Variants in DIAPH2 observed in about 807,000 individuals in gnomAD.
DIAPH2 encodes protein diaphanous homolog 2.
In DIAPH2, 35 loss-of-function variants were observed where a neutral mutation model predicts 92.7. The ratio of observed to expected loss-of-function variants is 0.38; its 90% CI spans 0.29 to 0.50. DIAPH2 has a LOEUF of 0.50. Ranked by LOEUF, DIAPH2 falls within the 20% of genes least tolerant of loss-of-function variation. DIAPH2 has a pLI of 0.94. For synonymous variants in DIAPH2, 301 were observed against 280.4 expected, an observed-to-expected ratio of 1.07 and a Z score of -0.73; for missense variants, 701 against 819.5, an observed-to-expected ratio of 0.86 and a Z score of 1.77.
At chrX:96,853,618 TG>T (rs1363128330) in intron 4 of DIAPH2, among the ~76,000 whole-genome samples, 1 of 111,658 alleles carries the variant, frequency 9.0e-6, no homozygotes, top group East Asian at 2.8e-4. Flanking sequence ...TATACTGTAC[TG>T]CTAAAGAGAT....
intron 3 of DIAPH2, among the ~76,000 whole-genome samples, chrX:96,749,290 A>G (rs935925637): frequency 9.1e-6 from 1 of 109,990 alleles, no homozygotes. Context: ...AGATTTTAAA[A>G]TGATTTAAAA....
intron 25 of DIAPH2, among the ~76,000 whole-genome samples, chrX:97,390,098 C>G (rs1191826066): frequency 1.8e-5 from 2 of 108,352 alleles, no homozygotes; most frequent in Non-Finnish European, 3.8e-5. Flanking sequence ...AAGTACCGAA[C>G]AACTATGAGG....
At chrX:96,874,619 G>A (rs1233177555) in intron 4 of DIAPH2, among the ~76,000 whole-genome samples, 5 of 111,979 alleles carry the variant, frequency 4.5e-5, no homozygotes, top group African/African-American at 1.6e-4. Context: ...GTTAATGATG[G>A]TTTAGCCTTC....
chrX:97,174,255 C>T (rs1044625953), intron 22 of DIAPH2, among the ~76,000 whole-genome samples: 1 of 109,915 alleles, frequency 9.1e-6, no homozygotes, highest in African/African-American at 3.3e-5. Context: ...TGTAACTTGC[C>T]TAAGTTCTCA....
intron 26 of DIAPH2, among the ~76,000 whole-genome samples, chrX:97,442,528 G>C (rs932620085): frequency 4.6e-4 from 52 of 112,426 alleles, no homozygotes; most frequent in African/African-American, 1.5e-3. Context: ...CTAATTGGTG[G>C]CCTTGATTAT....
intron 23 of DIAPH2, among the ~76,000 whole-genome samples, chrX:97,331,740 G>A (rs999926894): frequency 9.0e-6 from 1 of 111,378 alleles, no homozygotes; most frequent in Admixed American, 9.6e-5. Context: ...TATTAAGTAG[G>A]AGGATATCAG....
At chrX:97,407,197 T>C (rs767758144) in intron 25 of DIAPH2, among the ~76,000 whole-genome samples, 4 of 111,921 alleles carry the variant, frequency 3.6e-5, no homozygotes, top group Non-Finnish European at 7.5e-5. Context: ...AAGTATAATG[T>C]AGAAGTAGGC....
chrX:96,686,012 C>G (rs996055601), intron 1 of DIAPH2, among the ~76,000 whole-genome samples: 1 of 112,198 alleles, frequency 8.9e-6, no homozygotes, highest in Non-Finnish European at 1.9e-5. Flanking sequence ...TTGGGAAATA[C>G]TGGAGTTTCC....
At chrX:97,166,932 T>C (rs1335102934) in intron 22 of DIAPH2, among the ~76,000 whole-genome samples, 2 of 112,461 alleles carry the variant, frequency 1.8e-5, no homozygotes, top group African/African-American at 6.5e-5. Context: ...TTTTGAATCT[T>C]TACATAAACA....
intron 5 of DIAPH2, among the ~76,000 whole-genome samples, chrX:96,905,109 T>C (rs192229766): frequency 8.9e-5 from 10 of 111,807 alleles, no homozygotes; most frequent in Non-Finnish European, 1.3e-4. Flanking sequence ...ATGACTAATA[T>C]TGGACTCCTT....
At chrX:97,427,338 T>C (rs1026810229) in intron 25 of DIAPH2, among the ~76,000 whole-genome samples, 3 of 111,835 alleles carry the variant, frequency 2.7e-5, no homozygotes, top group Non-Finnish European at 3.8e-5. Context: ...AGAATTTTCA[T>C]CTTTCATCAT....
At chrX:96,907,176 A>G (rs2065438991) in intron 5 of DIAPH2, among the ~76,000 whole-genome samples, 1 of 112,070 alleles carries the variant, frequency 8.9e-6, no homozygotes, top group African/African-American at 3.2e-5. Flanking sequence ...AAATAGTATA[A>G]GCTACATTTT....
At chrX:97,117,253 A>T (rs982132342) in intron 21 of DIAPH2, among the ~76,000 whole-genome samples, 2 of 111,801 alleles carry the variant, frequency 1.8e-5, no homozygotes, top group Non-Finnish European at 3.8e-5. Context: ...AATACAAAGG[A>T]TTGTGAGTAA....
At chrX:97,259,719 G>A (rs1463583144) in intron 23 of DIAPH2, among the ~76,000 whole-genome samples, 1 of 112,781 alleles carries the variant, frequency 8.9e-6, no homozygotes, top group Non-Finnish European at 1.9e-5. Context: ...GGTTGAATTT[G>A]TAATACAGTT....
intron 26 of DIAPH2, among the ~76,000 whole-genome samples, chrX:97,438,355 GTT>G (rs1275825737): frequency 7.2e-5 from 3 of 41,840 alleles, no homozygotes; most frequent in African/African-American, 2.7e-4. Flanking sequence ...TTTTTTGTTT[GTT>G]TGTTTTTTTT....
At chrX:96,980,998 CAAAAAA>C (rs1204120424) in intron 17 of DIAPH2, among the ~76,000 whole-genome samples, 8 of 45,513 alleles carry the variant, frequency 1.8e-4, no homozygotes, top group East Asian at 6.3e-4. Context: ...CCATCTCTAC[CAAAAAA>C]AAAAAAAAAA....
intron 26 of DIAPH2, among the ~76,000 whole-genome samples, chrX:97,432,979 T>A (rs777641084): frequency 8.9e-6 from 1 of 111,783 alleles, no homozygotes; most frequent in East Asian, 2.8e-4. Flanking sequence ...ATAGTCTGTA[T>A]TCTTCATTAG....
chrX:97,405,287 C>A (rs2069798226), intron 25 of DIAPH2, among the ~76,000 whole-genome samples: 1 of 112,292 alleles, frequency 8.9e-6, no homozygotes, highest in South Asian at 3.7e-4. Flanking sequence ...ATTAAAATGA[C>A]AAGATAAGCT....
In DIAPH2 at chrX:97,153,509, C is replaced by T. The variant is rs765271116; in HGVS notation, c.2719+11715C>T. On this transcript the variant is annotated intron_variant, in intron 22 of 26. Transcript: ENST00000324765. ...TTGAGGCAGGAGAATCACTTGAACC[C>T]GGGAGGTGGAGGTTGCAATGAGCCG... Among the ~76,000 whole-genome samples, 5 of 110,293 alleles carry T rather than the reference C, an allele frequency of 4.5e-5. No individual in the cohort carries two copies. In the South Asian group the frequency reaches 1.9e-3, roughly 43 times the overall value.
Sources: allele counts gnomAD v4.1 joint callset (sites outside exome capture counted in the v4.1 genomes callset), GRCh38; gene constraint gnomAD v4.1.1; transcripts MANE v1.5; gene names NCBI Gene and HGNC (gene_info 2026-07-23, HGNC 2026-07-21).